TYRP1: variants seen among roughly 807,000 people sequenced by gnomAD.
The protein encoded by TYRP1 is 5,6-dihydroxyindole-2-carboxylic acid oxidase.
Under a neutral mutation model 42.8 loss-of-function variants are expected in TYRP1, and 49 were observed. The observed-to-expected ratio is 1.14, with a 90% confidence interval of 0.91 to 1.45. The LOEUF is 1.45. Ranked by LOEUF, TYRP1 falls within the 40% of genes most tolerant of loss-of-function variation. The probability of loss-of-function intolerance (pLI) is 0.00; values close to 1 mark genes in which losing one functional copy is unlikely to be tolerated. For missense variants in TYRP1, 848 were observed against 662.0 expected (o/e 1.28, Z -3.08); for synonymous variants, 279 against 235.4 (o/e 1.19, Z -1.69).
chr9:12,695,903 T>C, intron 3 of TYRP1, 66 bp downstream of exon 3: 2 of 1,519,066 alleles, frequency 1.3e-6, no homozygotes, highest in Non-Finnish European at 1.8e-6. Context: ...TAAGTGATTT[T>C]AATTCACTAG....
At chr9:12,698,807 C>G (rs1337283681) in intron 4 of TYRP1, 152 bp downstream of exon 4, 1 of 789,520 alleles carries the variant, frequency 1.3e-6, no homozygotes, top group African/African-American at 1.7e-5. Context: ...CATTAAACAC[C>G]TAGAATGTTC....
Position 12,702,395 on chromosome 9 carries a change from T to C in TYRP1, c.1038T>C (p.Pro346=). ...CLEVGLFDTP[P]FYSNSTNSFR... is the part of the protein sequence containing the mutation. The stretch of plus-strand genomic sequence containing the variant: ...AAGTTGGTTTATTTGACACGCCTCC[T>C]TTTTATTCCAACTCTACAAACAGTT... Residue 346 remains proline, a synonymous_variant, in exon 5 of 8, where the codon CCT becomes CCC. Coordinates refer to ENST00000388918, the MANE Select transcript of TYRP1 (RefSeq NM_000550.3). 1 of 1,613,040 alleles carries C rather than the reference T, an allele frequency of 6.2e-7. No homozygotes were observed. The highest frequency in any genetic ancestry group is 8.5e-7 in the Non-Finnish European group (1 of 1,179,378).
At chr9:12,706,073 C>G (rs930360996) in intron 6 of TYRP1, among the ~76,000 whole-genome samples, 2 of 151,974 alleles carry the variant, frequency 1.3e-5, no homozygotes, top group Non-Finnish European at 1.5e-5. Flanking sequence ...ACATCCTTCT[C>G]TTTGTTTTAC....
rs1818336031 is a variant in TYRP1 at position 12,710,112 on chromosome 9, C to G, written c.*930C>G. The G allele has an allele frequency of 6.6e-6, 1 of 151,516 alleles. No individual in the cohort carries two copies. Among genetic ancestry groups the G allele is most frequent in the Non-Finnish European group, 1.5e-5 (1 of 67,748 alleles). 9.4% of individuals were successfully genotyped at this position (151,516 alleles called of 1,614,324 possible). A position where few individuals can be genotyped will look rare whatever the true frequency, so the allele number is the denominator to read the frequency against. ...TTATTTCATTGGTCTTCTTTTTTAT[C>G]TGGTTCTATATGAATGCTATTTTTT... On this transcript the variant is annotated 3_prime_UTR_variant, in exon 8 of 8. Coordinates refer to ENST00000388918, the MANE Select transcript of TYRP1 (RefSeq NM_000550.3).
At chr9:12,701,887 A>G (rs1442640606) in intron 4 of TYRP1, 5 of 184,126 alleles carry the variant, frequency 2.7e-5, no homozygotes, top group Non-Finnish European at 2.3e-5. Context: ...TATCACATAT[A>G]TGTGACATAA....
Position 12,709,468 on chromosome 9 carries a change from G to GAAGAT in TYRP1, c.*288_*292dup, listed in dbSNP as rs1818321159. ...GGCATGATTTAAAGGTTGAGTATGT[G>GAAGAT]AAGATATAAGTAAGTGAACTACCAT... On this transcript the variant is annotated 3_prime_UTR_variant, in exon 8 of 8. Transcript: ENST00000388918. The GAAGAT allele has an allele frequency of 9.9e-6, 3 of 303,960 alleles. No individual in the cohort carries two copies. Among genetic ancestry groups the GAAGAT allele is most frequent in the Non-Finnish European group, 1.1e-5 (2 of 176,180 alleles). 18.8% of individuals were successfully genotyped at this position (303,960 alleles called of 1,614,324 possible). A position where few individuals can be genotyped will look rare whatever the true frequency, so the allele number is the denominator to read the frequency against.
At chr9:12,708,665 C>T (rs1472982010) in intron 7 of TYRP1, among the ~76,000 whole-genome samples, 1 of 151,934 alleles carries the variant, frequency 6.6e-6, no homozygotes, top group Non-Finnish European at 1.5e-5. Flanking sequence ...AAGTACAAGA[C>T]TTATATTCTA....
At chr9:12,707,063 A>AATTT (rs1818270099) in intron 6 of TYRP1, among the ~76,000 whole-genome samples, 1 of 151,974 alleles carries the variant, frequency 6.6e-6, no homozygotes. Flanking sequence ...CTACCATGTT[A>AATTT]ATTTCTATTT....
chr9:12,703,341 C>T (rs746042734), intron 5 of TYRP1, among the ~76,000 whole-genome samples: 2 of 151,802 alleles, frequency 1.3e-5, no homozygotes, highest in Non-Finnish European at 2.9e-5. Flanking sequence ...ACCTTTTAGT[C>T]TCAAAATTAT....
At chr9:12,694,415 G>T (rs779294636) in intron 2 of TYRP1, 34 bp downstream of exon 2, 1 of 1,611,198 alleles carries the variant, frequency 6.2e-7, no homozygotes, top group East Asian at 2.2e-5. Flanking sequence ...CATAAGTCCT[G>T]CATGAGACTC....
rs1455474222 is a variant in TYRP1, at chr9:12,694,540, T to G, written c.385+159T>G. ...CTGAGGCTTAGAAAGGTTAAGAAACTTGTTTAATGTAAAGGGTTGGAGTTG... is the reference window on the plus strand; with the variant it reads ...CTGAGGCTTAGAAAGGTTAAGAAACGTGTTTAATGTAAAGGGTTGGAGTTG... On this transcript the variant is annotated intron_variant, in intron 2 of 7. Transcript: ENST00000388918. The G allele has an allele frequency of 3.3e-6, 3 of 914,740 alleles. No homozygotes were observed. In the East Asian group the frequency reaches 7.9e-5, roughly 24 times the overall value. The allele number at this position is 914,740 out of a possible 1,614,324, so 56.7% of individuals were successfully genotyped here.
chr9:12,699,975 C>G (rs1193337751), intron 4 of TYRP1: 6 of 152,042 alleles, frequency 3.9e-5, no homozygotes, highest in Non-Finnish European at 8.8e-5. Context: ...AACAAGTCTC[C>G]TAACTCAGAC....
At chr9:12,696,794 A>C (rs1463347208) in intron 3 of TYRP1, among the ~76,000 whole-genome samples, 1 of 152,212 alleles carries the variant, frequency 6.6e-6, no homozygotes. Context: ...TAGGAAATCC[A>C]CAAAGTAAAC....
rs1242358305 is a variant in TYRP1, at chr9:12,695,562, G to C, written c.433G>C (p.Val145Leu). The C allele has an allele frequency of 1.9e-6, 3 of 1,613,984 alleles. No individual in the cohort carries two copies. Among genetic ancestry groups the C allele is most frequent in the Non-Finnish European group, 2.5e-6 (3 of 1,180,022 alleles). ...DLSKEEKNHF[V>L]RALDMAKRTT... ...AAGTAAAGAAGAAAAGAACCACTTT[G>C]TCCGGGCCCTGGATATGGCAAAGCG... The change falls in exon 3 of 8, where the codon GTC becomes CTC. Residue 145 changes from valine to leucine, a missense_variant. Val to Leu is a conservative substitution (Grantham distance 32, BLOSUM62 1). Transcript: ENST00000388918.
intron 6 of TYRP1, among the ~76,000 whole-genome samples, chr9:12,707,003 C>A (rs537428463): frequency 1.3e-5 from 2 of 151,826 alleles, no homozygotes; most frequent in Non-Finnish European, 2.9e-5. Context: ...TTACAGGTTC[C>A]TTTCATTAGA....
rs772761186 is a variant in TYRP1, at chr9:12,694,118, G to A, written c.122G>A (p.Cys41Tyr). 2 of 1,614,070 alleles carry A rather than the reference G, an allele frequency of 1.2e-6. No individual in the cohort carries two copies. The highest frequency in any genetic ancestry group is 1.1e-5 in the South Asian group (1 of 91,084). ...ATVEALRSGM[C>Y]CPDLSPVSGP... ...GTTGAGGCTTTGAGAAGTGGTATGT[G>A]TTGCCCAGACCTGTCCCCTGTGTCT... is the stretch of plus-strand genomic sequence containing the variant. The change falls in exon 2 of 8, where the codon TGT (cysteine) becomes TAT (tyrosine). Residue 41 changes from cysteine to tyrosine, a missense_variant. Transcript: ENST00000388918.
chr9:12,695,155 T>C (rs904529230), intron 2 of TYRP1, among the ~76,000 whole-genome samples: 2 of 152,124 alleles, frequency 1.3e-5, no homozygotes, highest in African/African-American at 4.8e-5. Flanking sequence ...ACTACTATGT[T>C]ATATCACCTA....
Position 12,710,261 on chromosome 9 carries a change from A to ATAAC in TYRP1, c.*1080_*1083dup, listed in dbSNP as rs1234988369. ...TAATTAAAATTGGTAAAAATAAATA[A>ATAAC]TAACAGTAATAATCATGCACTATAG... is the stretch of plus-strand genomic sequence containing the variant. On this transcript the variant is annotated 3_prime_UTR_variant, in exon 8 of 8. Coordinates refer to ENST00000388918, the MANE Select transcript of TYRP1 (RefSeq NM_000550.3). 3.3e-5 allele frequency: 5 copies of ATAAC among 151,360 alleles called. No individual in the cohort carries two copies. The East Asian group carries it at 9.7e-4, about 29-fold the overall frequency. The allele number at this position is 151,360 out of a possible 1,614,324, so 9.4% of individuals were successfully genotyped here.
chr9:12,703,680 A>G (rs1235923941), intron 5 of TYRP1, among the ~76,000 whole-genome samples: 1 of 152,048 alleles, frequency 6.6e-6, no homozygotes, highest in African/African-American at 2.4e-5. Context: ...CTACAACTAT[A>G]CAATTCATCT....
Sources: gnomAD v4.1 joint callset for allele counts (sites outside exome capture counted in the v4.1 genomes callset) on GRCh38, gnomAD v4.1.1 for gene constraint, MANE v1.5 for transcripts, NCBI Gene and HGNC (gene_info 2026-07-23, HGNC 2026-07-21) for gene names.